The following PNPLA1 variants were observed in gnomAD, a reference collection of about 807,000 sequenced individuals.
PNPLA1 encodes patatin like domain 1, omega-hydroxyceramide transacylase, also known as omega-hydroxyceramide transacylase.
In PNPLA1, 36 loss-of-function variants were observed where a neutral mutation model predicts 51.7. The observed-to-expected ratio is 0.70, with a 90% CI of 0.53 to 0.92. PNPLA1 has a LOEUF of 0.92. PNPLA1 is among the 40% of genes least tolerant of loss of function. The pLI, the probability that PNPLA1 is intolerant of heterozygous loss-of-function variation, is 0.00. For missense variants in PNPLA1, 658 were observed against 682.5 expected (o/e 0.96, Z 0.40); for synonymous variants, 293 against 280.1 (o/e 1.05, Z -0.46).
rs749799546 is a variant in PNPLA1, at chr6:36,291,314, T to C, written c.206-6T>C. ...GACCACCCCCTCTTCTCTGCTTCCT[T>C]TGCAGATGAGTATCTCAGAGTCCTC... On this transcript the variant is annotated splice_region_variant and splice_polypyrimidine_tract_variant and intron_variant, in intron 1 of 8. Transcript: ENST00000636260. 2 of 1,612,918 alleles carry C rather than the reference T, an allele frequency of 1.2e-6. No individual in the cohort carries two copies. The highest frequency in any genetic ancestry group is 2.7e-5 in the African/African-American group (2 of 74,892).
At chr6:36,293,317 A>G (rs1371518399) in intron 3 of PNPLA1, among the ~76,000 whole-genome samples, 191 bp downstream of exon 3, 2 of 152,164 alleles carry the variant, frequency 1.3e-5, no homozygotes, top group South Asian at 2.1e-4. Context: ...GAACTTCTCC[A>G]GCTGGGGTGG....
intron 1 of PNPLA1, among the ~76,000 whole-genome samples, chr6:36,284,948 A>G (rs955007496): frequency 6.6e-6 from 1 of 152,154 alleles, no homozygotes; most frequent in African/African-American, 2.4e-5. Flanking sequence ...TTTTCAATCA[A>G]TACCCCTGCA....
intron 5 of PNPLA1, among the ~76,000 whole-genome samples, chr6:36,296,780 C>T (rs1770870367): frequency 6.6e-6 from 1 of 152,074 alleles, no homozygotes. Context: ...CCCATCCCAC[C>T]CACAAGCTGT....
rs1056788178 is a variant in PNPLA1 at position 36,312,868 on chromosome 6, T to C, written c.*982T>C. Among the ~76,000 whole-genome samples, 7 of 152,194 alleles carry C rather than the reference T, an allele frequency of 4.6e-5. No individual in the cohort carries two copies. Among genetic ancestry groups the C allele is most frequent in the African/African-American group, 1.7e-4 (7 of 41,448 alleles). On this transcript the variant is annotated 3_prime_UTR_variant, in exon 9 of 9. Coordinates refer to ENST00000636260, the MANE Select transcript of PNPLA1 (RefSeq NM_001374623.1). ...TTGGCCTGAGCTTGCTTCTTTGAGA[T>C]GAGCCAGATCATTTCTAGTCTCCCC... is the stretch of plus-strand genomic sequence containing the variant.
chr6:36,261,210 G>T (rs531900840), intron 1 of PNPLA1, among the ~76,000 whole-genome samples: 2 of 152,358 alleles, frequency 1.3e-5, no homozygotes, highest in South Asian at 2.1e-4. Flanking sequence ...AATCCCTGTT[G>T]TTGGACACTT....
chr6:36,306,455 C>A, intron 7 of PNPLA1, 79 bp downstream of exon 7: 1 of 1,261,304 alleles, frequency 7.9e-7, no homozygotes, highest in Non-Finnish European at 1.1e-6. Flanking sequence ...CTTCCACCAC[C>A]TTAGCTGCCC....
At chr6:36,289,781 G>A (rs544476757) in intron 1 of PNPLA1, among the ~76,000 whole-genome samples, 245 of 141,266 alleles carry the variant, frequency 1.7e-3, no homozygotes, top group African/African-American at 5.0e-3. Flanking sequence ...CAGTTTCTGC[G>A]TCTGTAAAAT....
rs575200334 is a variant in PNPLA1 at position 36,293,444 on chromosome 6, C to T, written c.504+318C>T. 1.3e-3 allele frequency among the ~76,000 whole-genome samples: 204 copies of T among 152,288 alleles called. 1 individual carries two copies. Among genetic ancestry groups the T allele is most frequent in the African/African-American group, 4.8e-3 (200 of 41,534 alleles). On this transcript the variant is annotated intron_variant, in intron 3 of 8. Transcript: ENST00000636260. ...GAGATGAAGCACTGGGACCTGGAAACTCAAATGATGAGGATGTTTTCTGAG... is the reference window on the plus strand; with the variant it reads ...GAGATGAAGCACTGGGACCTGGAAATTCAAATGATGAGGATGTTTTCTGAG...
chr6:36,252,511 T>A (rs1460821287), intron 1 of PNPLA1, among the ~76,000 whole-genome samples: 3 of 141,024 alleles, frequency 2.1e-5, no homozygotes, highest in Non-Finnish European at 1.5e-5. Flanking sequence ...GGTTCAGGGG[T>A]TGGGCTGTGT....
intron 5 of PNPLA1, 111 bp downstream of exon 5, chr6:36,295,535 G>A (rs140390969): frequency 3.6e-4 from 425 of 1,183,630 alleles, no homozygotes; most frequent in African/African-American, 5.0e-4. Context: ...ACCCGGAGAC[G>A]CCCTTCACCT....
chr6:36,254,406 C>T (rs1392781080), intron 1 of PNPLA1, among the ~76,000 whole-genome samples: 1 of 152,122 alleles, frequency 6.6e-6, no homozygotes, highest in African/African-American at 2.4e-5. Flanking sequence ...GAGACCCTAT[C>T]TCAACAGAAA....
At chr6:36,279,613 C>G (rs911111261) in intron 1 of PNPLA1, among the ~76,000 whole-genome samples, 8 of 152,220 alleles carry the variant, frequency 5.3e-5, no homozygotes, top group African/African-American at 1.7e-4. Context: ...ACTTCCAACT[C>G]TGCCCCCAAG....
At chr6:36,293,736 G>A (rs1342110256) in intron 3 of PNPLA1, among the ~76,000 whole-genome samples, 1 of 152,208 alleles carries the variant, frequency 6.6e-6, no homozygotes, top group Admixed American at 6.5e-5. Context: ...TGTATTGCAT[G>A]TCAGCCAGCC....
rs960042092 is a variant in PNPLA1 at position 36,294,239 on chromosome 6, C to T, written c.554C>T (p.Thr185Ile). The T allele has an allele frequency of 6.2e-6, 10 of 1,614,098 alleles. No individual in the cohort carries two copies. Among genetic ancestry groups the T allele is most frequent in the Non-Finnish European group, 8.5e-6 (10 of 1,180,054 alleles). Residue 185 changes from threonine (T) to isoleucine (I), a missense_variant, in exon 4 of 9, where the codon ACC becomes ATC. Physicochemically the swap from Thr to Ile is moderately conservative, Grantham distance 89. Coordinates refer to ENST00000636260, the MANE Select transcript of PNPLA1 (RefSeq NM_001374623.1). This position sits in a 1 kb window ranked among gnomAD's most constrained non-coding sequence, Gnocchi z 4.2. ...GGCATGCAGCCCTGTGCCTTCTGGA[C>T]CGACGCCATCACCATCTCCACCTTC... ...FTGMQPCAFW[T>I]DAITISTFSG...
At chr6:36,295,235 A>G in intron 4 of PNPLA1, 129 bp from the exon 5 acceptor site, 1 of 879,750 alleles carries the variant, frequency 1.1e-6, no homozygotes, top group South Asian at 1.5e-5. Flanking sequence ...GGGACACTGG[A>G]TGGGTACGTT....
Position 36,302,374 on chromosome 6 carries a change from C to G in PNPLA1, c.1289C>G (p.Ser430Ter), listed in dbSNP as rs1460701542. 8.1e-6 allele frequency: 13 copies of G among 1,605,214 alleles called. No individual in the cohort carries two copies. The highest frequency in any genetic ancestry group is 1.1e-5 in the Non-Finnish European group (13 of 1,174,496). The change falls in exon 6 of 9, where the codon TCA becomes TGA. Residue 430 changes from serine to a stop codon, truncating the protein, a stop_gained. Coordinates refer to ENST00000636260, the MANE Select transcript of PNPLA1 (RefSeq NM_001374623.1). LOFTEE classifies it high-confidence loss of function. The stretch of plus-strand genomic sequence containing the variant: ...TCACCCAGGCCATCCCTGGGGCCTT[C>G]AACTGTGGGGGCACCTCAAACACTG... Reference protein sequence around the residue: ...PTSPRPSLGPSTVGAPQTLPR... With the variant: ...PTSPRPSLGP
At chr6:36,299,404 G>C (rs1229392248) in intron 5 of PNPLA1, among the ~76,000 whole-genome samples, 2 of 146,514 alleles carry the variant, frequency 1.4e-5, no homozygotes, top group Admixed American at 7.0e-5. Context: ...GCATGATCTC[G>C]GCTCACTGCA....
intron 1 of PNPLA1, chr6:36,243,390 T>C (rs1171815327): frequency 6.6e-6 from 1 of 152,058 alleles, no homozygotes; most frequent in African/African-American, 2.4e-5. Flanking sequence ...TTGGACATGT[T>C]TGGGAACCAG....
intron 8 of PNPLA1, among the ~76,000 whole-genome samples, chr6:36,308,868 G>A (rs1032554002): frequency 6.6e-6 from 1 of 152,140 alleles, no homozygotes; most frequent in Non-Finnish European, 1.5e-5. Context: ...GTTGACATGT[G>A]CCGGTAGTCC....
Sources: gnomAD v4.1 joint callset for allele counts (sites outside exome capture counted in the v4.1 genomes callset) on GRCh38, gnomAD v4.1.1 for gene constraint, Gnocchi (gnomAD v3.1) non-coding constraint, MANE v1.5 for transcripts, NCBI Gene and HGNC (gene_info 2026-07-23, HGNC 2026-07-21) for gene names.